FHAD1: variants seen among roughly 807,000 people sequenced by gnomAD.
The protein encoded by FHAD1 is forkhead associated phosphopeptide binding domain 1.
FHAD1 carries 146 observed loss-of-function variants against 191.3 expected under a neutral mutation model. The observed-to-expected ratio is 0.76, with a 90% CI of 0.67 to 0.88. The LOEUF is 0.88. Ranked by LOEUF, FHAD1 falls within the 40% of genes least tolerant of loss-of-function variation. The pLI, the probability that FHAD1 is intolerant of heterozygous loss-of-function variation, is 0.00. For missense variants in FHAD1, 1,635 were observed against 1,785.8 expected, an observed-to-expected ratio of 0.92 and a Z score of 1.52; for synonymous variants, 616 against 672.3, an observed-to-expected ratio of 0.92 and a Z score of 1.29.
chr1:15,313,135 TA>T lies in FHAD1; in HGVS notation c.1123del (p.Ser375ValfsTer20). On this transcript the variant is annotated frameshift_variant, in exon 8 of 34. Transcript: ENST00000688493. LOFTEE classifies it high-confidence loss of function. Reference sequence around the variant, plus strand: ...CAACTAAAGGAAGAGGTCAGTCACCTAAAAAGTCAGAACAAGGACAAGGACC... The same window carrying T: ...CAACTAAAGGAAGAGGTCAGTCACCTAAAAGTCAGAACAAGGACAAGGACC... ...VQQLKEEVSH[L>X]KSQNKDKDHQ... The T allele has an allele frequency of 6.4e-7, 1 of 1,551,920 alleles. No individual in the cohort carries two copies. The highest frequency in any genetic ancestry group is 1.2e-5 in the South Asian group (1 of 84,064).
intron 3 of FHAD1, among the ~76,000 whole-genome samples, chr1:15,283,997 C>G (rs890772652): frequency 3.9e-5 from 6 of 152,202 alleles, no homozygotes; most frequent in Non-Finnish European, 8.8e-5. Context: ...ATCACCACTT[C>G]CAGGCTTCAG....
At chr1:15,346,011 C>A (rs1195203125) in intron 18 of FHAD1, among the ~76,000 whole-genome samples, 1 of 152,164 alleles carries the variant, frequency 6.6e-6, no homozygotes, top group Non-Finnish European at 1.5e-5. Flanking sequence ...CAAACTCTTA[C>A]GCCCCGGAGG....
chr1:15,283,035 G>A (rs561899604), intron 3 of FHAD1, among the ~76,000 whole-genome samples: 18 of 152,354 alleles, frequency 1.2e-4, no homozygotes, highest in Admixed American at 3.9e-4. Flanking sequence ...TGGGCAGTGC[G>A]CCCAGAGTAG....
intron 26 of FHAD1, among the ~76,000 whole-genome samples, chr1:15,371,022 C>T (rs1349318928): frequency 6.6e-6 from 1 of 152,212 alleles, no homozygotes; most frequent in African/African-American, 2.4e-5. Flanking sequence ...GTCCAGAGCA[C>T]TTTAACAGAA....
At chr1:15,362,478 G>C (rs1197071795) in intron 22 of FHAD1, among the ~76,000 whole-genome samples, 164 bp from the exon 23 acceptor site, 3 of 152,226 alleles carry the variant, frequency 2.0e-5, no homozygotes, top group African/African-American at 7.2e-5. Flanking sequence ...CACACACTTG[G>C]GGAGAGCCCC....
At chr1:15,237,734 G>A (rs896966999) in intron 1 of FHAD1, among the ~76,000 whole-genome samples, 6 of 152,144 alleles carry the variant, frequency 3.9e-5, no homozygotes, top group African/African-American at 1.4e-4. Context: ...TGAGGATTTG[G>A]GTAAAGTATC....
At chr1:15,360,038 A>G (rs532446228) in intron 21 of FHAD1, among the ~76,000 whole-genome samples, 24 of 152,146 alleles carry the variant, frequency 1.6e-4, no homozygotes, top group Non-Finnish European at 2.5e-4. Flanking sequence ...GCTTGAACCC[A>G]GGAGGCAGAG....
At position 15,329,432 on chromosome 1, in the gene FHAD1, G is replaced by A. The variant is rs772787088; in HGVS notation, c.1797G>A (p.Ser599=). 55 of 1,551,136 alleles carry A rather than the reference G, an allele frequency of 3.5e-5. No individual in the cohort carries two copies. The highest frequency in any genetic ancestry group is 5.9e-5 in the South Asian group (5 of 84,060). The change falls in exon 14 of 34, where the codon TCG becomes TCA. Residue 599 remains serine (S), a synonymous_variant. Coordinates refer to ENST00000688493, the MANE Select transcript of FHAD1 (RefSeq NM_001391957.1). This position sits in a 1 kb window ranked among gnomAD's most constrained non-coding sequence, Gnocchi z 5.0. Reference sequence around the variant, plus strand: ...ACCTCCAGGTGAGCCCACCTGTCTCGGGGCTCCAGAAGGTGGTGCTGGACG... The same window carrying A: ...ACCTCCAGGTGAGCCCACCTGTCTCAGGGCTCCAGAAGGTGGTGCTGGACG... ...LQHLQVSPPV[S]GLQKVVLDVL...
At chr1:15,278,407 A>T (rs1041280464) in intron 3 of FHAD1, among the ~76,000 whole-genome samples, 2 of 151,924 alleles carry the variant, frequency 1.3e-5, no homozygotes, top group African/African-American at 4.8e-5. Flanking sequence ...TGCGCTGGTT[A>T]ATAGTTTACT....
At chr1:15,387,798 C>T (rs1702520191) in intron 31 of FHAD1, among the ~76,000 whole-genome samples, 1 of 152,104 alleles carries the variant, frequency 6.6e-6, no homozygotes, top group South Asian at 2.1e-4. Context: ...GGTGGGAGGA[C>T]CGCTTGAGCC....
rs770167591 is a variant in FHAD1, at chr1:15,391,266, G to C, written c.4323+3G>C. 6.2e-6 allele frequency: 8 copies of C among 1,284,642 alleles called. No individual in the cohort carries two copies. The highest frequency in any genetic ancestry group is 8.1e-6 in the Non-Finnish European group (8 of 984,664). 79.6% of individuals were successfully genotyped at this position (1,284,642 alleles called of 1,614,324 possible). ...GGATGCAGAACTCAAATTCCCAGGT[G>C]AGCAGAAAGAGCATCCTTTAGAATT... On this transcript the variant is annotated splice_donor_region_variant and intron_variant, in intron 33 of 33. Coordinates refer to ENST00000688493, the MANE Select transcript of FHAD1 (RefSeq NM_001391957.1).
chr1:15,383,998 ATGTGTG>A lies in FHAD1; in HGVS notation c.4188+1816_4188+1821del, dbSNP rs757780252. The A allele has an allele frequency of 1.4e-5, 3 of 210,784 alleles. No homozygotes were observed. The Admixed American group carries it at 1.5e-4, about 11-fold the overall frequency. The allele number at this position is 210,784 out of a possible 1,614,324, so 13.1% of individuals were successfully genotyped here. A position where few individuals can be genotyped will look rare whatever the true frequency, so the allele number is the denominator to read the frequency against. ...CATTCTCGTGTGTGTGTACATTCTC[ATGTGTG>A]TGTGTGTGTGCACATGTGTACCATG... On this transcript the variant is annotated intron_variant, in intron 31 of 33. Coordinates refer to ENST00000688493, the MANE Select transcript of FHAD1 (RefSeq NM_001391957.1).
At chr1:15,258,803 G>C (rs1391071452) in intron 2 of FHAD1, among the ~76,000 whole-genome samples, 1 of 151,938 alleles carries the variant, frequency 6.6e-6, no homozygotes, top group East Asian at 1.9e-4. Context: ...GGCCAGGCTG[G>C]TCTCAAACTC....
intron 3 of FHAD1, among the ~76,000 whole-genome samples, chr1:15,285,637 A>T (rs1404357668): frequency 6.6e-6 from 1 of 152,154 alleles, no homozygotes; most frequent in Non-Finnish European, 1.5e-5. Flanking sequence ...GCCCCTTTAG[A>T]GACCCTCTCA....
Position 15,381,788 on chromosome 1 carries a change from C to T in FHAD1, c.4023-240C>T, listed in dbSNP as rs1027385007. ...TCAAGAGTCGCAGTTCCCCACTCCC[C>T]AGGAAGTCAGGAGGGGCTGGTAGCA... On this transcript the variant is annotated intron_variant, in intron 30 of 33. Transcript: ENST00000688493. This position sits in a 1 kb window ranked among gnomAD's most constrained non-coding sequence, Gnocchi z 4.6. 2.6e-5 allele frequency among the ~76,000 whole-genome samples: 4 copies of T among 152,006 alleles called. No individual in the cohort carries two copies. The highest frequency in any genetic ancestry group is 6.6e-5 in the Admixed American group (1 of 15,250).
At chr1:15,339,687 C>T (rs1330776287) in intron 15 of FHAD1, 136 bp downstream of exon 15, 1 of 339,624 alleles carries the variant, frequency 2.9e-6, no homozygotes, top group Non-Finnish European at 5.6e-6. Context: ...GAAATGATTT[C>T]TTCATTTGCA....
rs570569622 is a variant in FHAD1 at position 15,389,447 on chromosome 1, C to CAA, written c.4269+1336_4269+1337dup. 3.4e-3 allele frequency among the ~76,000 whole-genome samples: 185 copies of CAA among 54,118 alleles called. 6 individuals carry two copies. The highest frequency in any genetic ancestry group is 5.4e-3 in the African/African-American group (70 of 12,894). 35.5% of individuals were successfully genotyped at this position (54,118 alleles called of 152,430 possible). A position where few individuals can be genotyped will look rare whatever the true frequency, so the allele number is the denominator to read the frequency against. On this transcript the variant is annotated intron_variant, in intron 32 of 33. Transcript: ENST00000688493. The stretch of plus-strand genomic sequence containing the variant: ...TGAGCAACAGAGGAAGAACCTGTCT[C>CAA]AAAAAAAAAAAAAAAAAAAAACCTG...
At chr1:15,320,826 C>T (rs1192287712) in intron 10 of FHAD1, among the ~76,000 whole-genome samples, 1 of 152,210 alleles carries the variant, frequency 6.6e-6, no homozygotes, top group Non-Finnish European at 1.5e-5. Flanking sequence ...AATATAATTG[C>T]TGGCATATTG....
chr1:15,352,823 G>A (rs1159615349), intron 19 of FHAD1, 54 bp from the exon 20 acceptor site: 4 of 1,335,924 alleles, frequency 3.0e-6, no homozygotes, highest in Non-Finnish European at 4.2e-6. Flanking sequence ...TCCCTTTCCA[G>A]TGTCATTTCC....
Sources: allele counts gnomAD v4.1 joint callset (sites outside exome capture counted in the v4.1 genomes callset), GRCh38; gene constraint gnomAD v4.1.1; non-coding constraint Gnocchi (gnomAD v3.1); transcripts MANE v1.5; gene names NCBI Gene and HGNC (gene_info 2026-07-23, HGNC 2026-07-21).